Variants in AGBL1 observed in about 807,000 individuals in gnomAD.
The protein encoded by AGBL1 is cytosolic carboxypeptidase 4.
A neutral mutation model predicts 118.9 loss-of-function variants in AGBL1; 130 were observed. That is an observed-to-expected ratio of 1.09 (90% CI 0.95 to 1.26). The LOEUF (loss-of-function observed/expected upper bound fraction) is 1.26. AGBL1 is among the 50% of genes most tolerant of loss of function. The pLI, the probability that AGBL1 is intolerant of heterozygous loss-of-function variation, is 0.00. For missense variants in AGBL1, 1,584 were observed against 1,298.1 expected (o/e 1.22, Z -3.38); for synonymous variants, 555 against 478.9 (o/e 1.16, Z -2.08).
At chr15:86,743,896 C>A (rs2077717620) in intron 22 of AGBL1, among the ~76,000 whole-genome samples, 1 of 152,036 alleles carries the variant, frequency 6.6e-6, no homozygotes, top group Non-Finnish European at 1.5e-5. Flanking sequence ...CGTCTACACA[C>A]AATCTTTATT....
intron 22 of AGBL1, among the ~76,000 whole-genome samples, chr15:86,849,713 T>C (rs1268893710): frequency 1.3e-5 from 2 of 152,182 alleles, no homozygotes; most frequent in Non-Finnish European, 2.9e-5. Context: ...TGGCACAGAT[T>C]ATGCCAGGCT....
intron 7 of AGBL1, among the ~76,000 whole-genome samples, chr15:86,252,205 C>T: frequency 6.6e-6 from 1 of 152,158 alleles, no homozygotes. Context: ...TTTTAAAAGT[C>T]ACAGTTGCCA....
intron 3 of AGBL1, among the ~76,000 whole-genome samples, chr15:86,147,770 T>C (rs1475011852): frequency 6.6e-6 from 1 of 152,178 alleles, no homozygotes; most frequent in Admixed American, 6.5e-5. Flanking sequence ...CCCAGCACAG[T>C]GTTTGAGCTC....
intron 21 of AGBL1, among the ~76,000 whole-genome samples, chr15:86,594,580 C>T (rs1334057387): frequency 6.6e-6 from 1 of 152,120 alleles, no homozygotes; most frequent in African/African-American, 2.4e-5. Flanking sequence ...CTATTGGTCA[C>T]TCTTCAGTGC....
At chr15:86,262,679 A>G (rs1360282589) in intron 9 of AGBL1, 99 bp from the exon 10 acceptor site, 3 of 819,546 alleles carry the variant, frequency 3.7e-6, no homozygotes, top group Non-Finnish European at 2.1e-6. Context: ...CAAGAAAACC[A>G]TGTCCTAAGA....
Position 86,849,824 on chromosome 15 carries a change from C to G in AGBL1, c.3159-57263C>G, listed in dbSNP as rs76725465. On this transcript the variant is annotated intron_variant, in intron 22 of 22. Coordinates refer to ENST00000614907, the MANE Select transcript of AGBL1 (RefSeq NM_001386094.1). ...GTAGCATTCAGGACAGCAAGGTTCT[C>G]CTGCCTCAGCAACACTGTGCTTGCT... is the stretch of plus-strand genomic sequence containing the variant. Among the ~76,000 whole-genome samples, 698 of 152,306 alleles carry G rather than the reference C, an allele frequency of 4.6e-3. 9 individuals carry two copies. Among genetic ancestry groups the G allele is most frequent in the African/African-American group, 0.016 (656 of 41,566 alleles).
At chr15:86,567,459 G>A (rs2083932593) in intron 21 of AGBL1, among the ~76,000 whole-genome samples, 1 of 152,204 alleles carries the variant, frequency 6.6e-6, no homozygotes. Flanking sequence ...AAGACAATTT[G>A]TGAGCCTTCT....
chr15:86,700,297 C>G (rs900105275), intron 22 of AGBL1, among the ~76,000 whole-genome samples: 1 of 151,972 alleles, frequency 6.6e-6, no homozygotes, highest in Non-Finnish European at 1.5e-5. Flanking sequence ...CCATCATTCT[C>G]TGAGCAAGTC....
chr15:86,856,656 A>C lies in AGBL1; in HGVS notation c.3159-50431A>C, dbSNP rs1242566976. On this transcript the variant is annotated intron_variant, in intron 22 of 22. Coordinates refer to ENST00000614907, the MANE Select transcript of AGBL1 (RefSeq NM_001386094.1). ...ATTGTCCTTCACAGCAAAGCACAGT[A>C]TAGCCACCATTATTATTTCCATTCC... Among the ~76,000 whole-genome samples, 3 of 152,258 alleles carry C rather than the reference A, an allele frequency of 2.0e-5. No homozygotes were observed. In the East Asian group the frequency reaches 5.8e-4, roughly 29 times the overall value.
chr15:86,303,663 A>G (rs2079790890), intron 17 of AGBL1, among the ~76,000 whole-genome samples: 1 of 152,134 alleles, frequency 6.6e-6, no homozygotes, highest in Non-Finnish European at 1.5e-5. Flanking sequence ...ATTTTATACT[A>G]CCTAATTTTC....
At chr15:86,083,838 A>T (rs1895454800) in intron 1 of AGBL1, 1 of 152,260 alleles carries the variant, frequency 6.6e-6, no homozygotes, top group African/African-American at 2.4e-5. Context: ...TCTGTAGAGG[A>T]CATGGGAACA....
intron 24 of AGBL1, among the ~76,000 whole-genome samples, chr15:87,001,137 A>G (rs1036139653): frequency 1.4e-5 from 2 of 142,766 alleles, no homozygotes; most frequent in South Asian, 2.4e-4. Context: ...GGCTGAGACA[A>G]TGGGGTTTTC....
intron 18 of AGBL1, among the ~76,000 whole-genome samples, chr15:86,488,696 C>T (rs565414114): frequency 9.2e-5 from 14 of 152,150 alleles, no homozygotes; most frequent in Middle Eastern, 3.4e-3. Context: ...TACATATATA[C>T]ATACCTGTCC....
intron 9 of AGBL1, among the ~76,000 whole-genome samples, chr15:86,262,377 A>T (rs1027840217): frequency 2.0e-5 from 3 of 152,154 alleles, no homozygotes; most frequent in African/African-American, 7.2e-5. Flanking sequence ...GTCGGTGCTG[A>T]TTAAATGTTT....
At chr15:86,826,709 G>A (rs2079016670) in intron 22 of AGBL1, among the ~76,000 whole-genome samples, 1 of 152,146 alleles carries the variant, frequency 6.6e-6, no homozygotes. Context: ...AACACAGTAA[G>A]AAATGCACTG....
chr15:86,239,035 G>A lies in AGBL1; in HGVS notation c.527-8636G>A, dbSNP rs200175844. ...GAAGAGCAGAGATGTGTGAGGAAGAGAAAGGTGTGGATTCTGAGGCTTTAC... is the reference window on the plus strand; with the variant it reads ...GAAGAGCAGAGATGTGTGAGGAAGAAAAAGGTGTGGATTCTGAGGCTTTAC... On this transcript the variant is annotated intron_variant, in intron 6 of 22. Coordinates refer to ENST00000614907, the MANE Select transcript of AGBL1 (RefSeq NM_001386094.1). 2.6e-5 allele frequency among the ~76,000 whole-genome samples: 4 copies of A among 152,318 alleles called. No homozygotes were observed. The East Asian group carries it at 7.7e-4, about 29-fold the overall frequency.
chr15:86,417,696 C>T (rs930700076), intron 18 of AGBL1, among the ~76,000 whole-genome samples: 8 of 152,108 alleles, frequency 5.3e-5, no homozygotes, highest in East Asian at 1.9e-4. Context: ...GGTTAGCCAG[C>T]GGCAAAGAGT....
rs1457215393 is a variant in AGBL1, at chr15:86,212,860, G to T, written c.489-12054G>T. ...AGACAGGATTTCACCATGTTGGCCAGGCTGGTTTCGAACTGTTGACCTCAG... is the reference window on the plus strand; with the variant it reads ...AGACAGGATTTCACCATGTTGGCCATGCTGGTTTCGAACTGTTGACCTCAG... On this transcript the variant is annotated intron_variant, in intron 5 of 22. Coordinates refer to ENST00000614907, the MANE Select transcript of AGBL1 (RefSeq NM_001386094.1). 3.3e-5 allele frequency among the ~76,000 whole-genome samples: 5 copies of T among 152,314 alleles called. No individual in the cohort carries two copies. In the East Asian group the frequency reaches 7.7e-4, roughly 24 times the overall value.
intron 23 of AGBL1, among the ~76,000 whole-genome samples, chr15:86,953,566 C>A (rs1394651978): frequency 6.6e-6 from 1 of 151,598 alleles, no homozygotes; most frequent in African/African-American, 2.4e-5. Context: ...CAATTTTGTA[C>A]CTTTTGTAGA....
Sources: gnomAD v4.1 joint callset for allele counts (sites outside exome capture counted in the v4.1 genomes callset) on GRCh38, gnomAD v4.1.1 for gene constraint, MANE v1.5 for transcripts, NCBI Gene and HGNC (gene_info 2026-07-23, HGNC 2026-07-21) for gene names.